Variants in PPP1R12C observed in about 807,000 individuals in gnomAD.
PPP1R12C encodes the protein protein phosphatase 1 regulatory subunit 12C.
PPP1R12C carries 48 observed loss-of-function variants against 95.6 expected under a neutral mutation model. That is an observed-to-expected ratio of 0.50 (90% CI 0.40 to 0.64). The LOEUF (loss-of-function observed/expected upper bound fraction) is 0.64. Among genes scored for constraint, PPP1R12C ranks in the 30% least tolerant of loss-of-function variants. PPP1R12C has a pLI of 0.00. For missense variants in PPP1R12C, 1,057 were observed against 1,083.3 expected (o/e 0.98, Z 0.34); for synonymous variants, 480 against 460.8 (o/e 1.04, Z -0.53).
At position 55,117,343 on chromosome 19, in the gene PPP1R12C, C is replaced by T. The variant is rs2085165999; in HGVS notation, c.201G>A (p.Ala67=). ...GGTCGGCGGCGCGCAGCATCAGACG[C>T]GCCTCGTCCAGGTCGCCGCCCGCAC... is the stretch of plus-strand genomic sequence containing the variant. ...AACAGGDLDE[A]RLMLRAADPG... is the part of the protein sequence containing the mutation. The change falls in exon 1 of 22, where the codon GCG becomes GCA. Residue 67 remains alanine, a synonymous_variant. Coordinates refer to ENST00000263433, the MANE Select transcript of PPP1R12C (RefSeq NM_017607.4). 1.7e-6 allele frequency: 2 copies of T among 1,154,088 alleles called. No homozygotes were observed. The highest frequency in any genetic ancestry group is 2.1e-6 in the Non-Finnish European group (2 of 939,196). The allele number at this position is 1,154,088 out of a possible 1,614,324, so 71.5% of individuals were successfully genotyped here. A position where few individuals can be genotyped will look rare whatever the true frequency, so the allele number is the denominator to read the frequency against.
intron 1 of PPP1R12C, chr19:55,113,009 C>T (rs1489293040): frequency 6.5e-6 from 4 of 617,692 alleles, no homozygotes; most frequent in East Asian, 5.6e-5. Context: ...GTGGAAACCA[C>T]GAAAGGACTC....
In PPP1R12C at chr19:55,112,474, G is replaced by A. The variant is rs1351424998; in HGVS notation, c.564C>T (p.Ala188=). The change falls in exon 3 of 22, where the codon GCC becomes GCT. Residue 188 remains alanine (A), a synonymous_variant. Transcript: ENST00000263433. The part of the protein sequence containing the change: ...AMEGLLKAEI[A]RRGVDVEAAK... ...CAGCACACCAGAGCCCACCTCGGCG[G>A]GCGATCTCCGCCTTCAGCAGCCCCT... The A allele has an allele frequency of 3.5e-5, 56 of 1,610,874 alleles. No homozygotes were observed. Among genetic ancestry groups the A allele is most frequent in the Non-Finnish European group, 4.7e-5 (56 of 1,179,492 alleles).
At position 55,117,485 on chromosome 19, in the gene PPP1R12C, TCCCGGGCAGCCGCCGCCGCCGCC is replaced by T; in HGVS notation, c.36_58del (p.Ala15ThrfsTer89). 3 of 1,020,208 alleles carry T rather than the reference TCCCGGGCAGCCGCCGCCGCCGCC, an allele frequency of 2.9e-6. No homozygotes were observed. The highest frequency in any genetic ancestry group is 5.3e-5 in the Admixed American group (1 of 18,898). The allele number at this position is 1,020,208 out of a possible 1,614,324, so 63.2% of individuals were successfully genotyped here. ...CTGCCGCAGCTGCTCCCGTCGCCGCTCCCGGGCAGCCGCCGCCGCCGCCCCCGGGCCAGCCGCCGGGCCATCCT... is the reference window on the plus strand; with the variant it reads ...CTGCCGCAGCTGCTCCCGTCGCCGCTCCCGGGCCAGCCGCCGGGCCATCCT... On this transcript the variant is annotated frameshift_variant, in exon 1 of 22. Coordinates refer to ENST00000263433, the MANE Select transcript of PPP1R12C (RefSeq NM_017607.4). LOFTEE classifies it high-confidence loss of function.
intron 6 of PPP1R12C, among the ~76,000 whole-genome samples, chr19:55,096,562 C>T (rs191337120): frequency 6.6e-6 from 1 of 152,162 alleles, no homozygotes; most frequent in East Asian, 1.9e-4. Context: ...GTCCTCACGG[C>T]CCCCACCCAT....
intron 1 of PPP1R12C, chr19:55,113,569 T>G: frequency 1.5e-6 from 2 of 1,313,892 alleles, no homozygotes; most frequent in Non-Finnish European, 1.9e-6. Flanking sequence ...CCCCAGGCCT[T>G]GTGGACACTG....
At position 55,092,305 on chromosome 19, in the gene PPP1R12C, C is replaced by T; in HGVS notation, c.2077G>A (p.Glu693Lys). Residue 693 changes from glutamate to lysine, a missense_variant, in exon 19 of 22, where the codon GAG (glutamate) becomes AAG (lysine). Physicochemically the swap from Glu to Lys is moderately conservative, Grantham distance 56. Coordinates refer to ENST00000263433, the MANE Select transcript of PPP1R12C (RefSeq NM_017607.4). ...AGGGCCTCGCGAAGCCGCTCGTTCTCCCTGCGCAGCTCTGCATACAGCTGG... is the reference window on the plus strand; with the variant it reads ...AGGGCCTCGCGAAGCCGCTCGTTCTTCCTGCGCAGCTCTGCATACAGCTGG... ...FRTLYAELRRENERLREALTE... is the reference protein window; with the variant it reads ...FRTLYAELRRKNERLREALTE... The T allele has an allele frequency of 6.2e-7, 1 of 1,600,058 alleles. No homozygotes were observed. Among genetic ancestry groups the T allele is most frequent in the East Asian group, 2.3e-5 (1 of 44,338 alleles).
At chr19:55,116,008 G>C (rs773584199) in intron 1 of PPP1R12C, among the ~76,000 whole-genome samples, 5 of 152,148 alleles carry the variant, frequency 3.3e-5, no homozygotes, top group African/African-American at 4.8e-5. Flanking sequence ...AGAGGTAAGG[G>C]GGGTAGGGGA....
chr19:55,095,714 C>A, intron 9 of PPP1R12C, 111 bp from the exon 10 acceptor site: 2 of 1,509,034 alleles, frequency 1.3e-6, no homozygotes, highest in East Asian at 2.3e-5. Context: ...GCCCCCGGGG[C>A]AGGCACAGCC....
intron 4 of PPP1R12C, among the ~76,000 whole-genome samples, chr19:55,102,617 A>G (rs2084991058): frequency 6.6e-6 from 1 of 152,236 alleles, no homozygotes; most frequent in Non-Finnish European, 1.5e-5. Flanking sequence ...CCATAATCAC[A>G]GCAAGAATTT....
Position 55,092,226 on chromosome 19 carries a change from G to C in PPP1R12C, c.2156C>G (p.Thr719Arg), listed in dbSNP as rs778066902. The change falls in exon 19 of 22, where the codon ACG becomes AGG. Residue 719 changes from threonine to arginine, a missense_variant. By Grantham distance (71) the Thr-to-Arg change is moderately conservative. Transcript: ENST00000263433. Reference sequence around the variant, plus strand: ...CCCTGGCCTCGGCGCCCTTACCTGCGTGGCCCGCTCCAGCTCCACCTTGAG... The same window carrying C: ...CCCTGGCCTCGGCGCCCTTACCTGCCTGGCCCGCTCCAGCTCCACCTTGAG... ...AQLKVELERA[T>R]QRQERFAERP... 2 of 1,573,756 alleles carry C rather than the reference G, an allele frequency of 1.3e-6. No homozygotes were observed. The highest frequency in any genetic ancestry group is 2.7e-5 in the African/African-American group (2 of 74,018).
At chr19:55,113,473 C>T (rs780953000) in intron 1 of PPP1R12C, 48 of 1,474,994 alleles carry the variant, frequency 3.3e-5, no homozygotes, top group African/African-American at 7.2e-5. Context: ...GGGGCTGACA[C>T]GGGCCACCGT....
intron 4 of PPP1R12C, among the ~76,000 whole-genome samples, chr19:55,099,647 G>A (rs1341182082): frequency 6.6e-6 from 1 of 152,236 alleles, no homozygotes; most frequent in East Asian, 1.9e-4. Flanking sequence ...GGCCAGGGAG[G>A]CTGCTCCACA....
In PPP1R12C at chr19:55,095,892, G is replaced by T; in HGVS notation, c.1202C>A (p.Pro401Gln). The change falls in exon 9 of 22, where the codon CCG (proline) becomes CAG (glutamine). Residue 401 changes from proline (P) to glutamine (Q), a missense_variant. By Grantham distance (76) the Pro-to-Gln change is moderately conservative (BLOSUM62 -1). This residue lies in a region of PPP1R12C where 356 missense variants were observed against 330.5 expected (regional missense o/e 1.08). Transcript: ENST00000263433. ...CACGGGACTCTTAGGGCTGGGGTGC[G>T]GCGGGGAGGAGACGCCATTGAGGGT... ...PRTLNGVSSP[P>Q]HPSPKSPVQL... 6.2e-7 allele frequency: 1 copy of T among 1,613,596 alleles called. No individual in the cohort carries two copies.
intron 3 of PPP1R12C, among the ~76,000 whole-genome samples, chr19:55,110,026 G>A (rs893377455): frequency 6.6e-6 from 1 of 152,184 alleles, no homozygotes; most frequent in Non-Finnish European, 1.5e-5. Context: ...CACCCCACGG[G>A]AGGGAAGAAG....
At chr19:55,097,793 GCTCCCAGGCTGGT>G (rs2084938917) in intron 6 of PPP1R12C, among the ~76,000 whole-genome samples, 1 of 152,118 alleles carries the variant, frequency 6.6e-6, no homozygotes, top group Non-Finnish European at 1.5e-5. Context: ...GTCCCCAGAT[GCTCCCAGGCTGGT>G]CTCCCCCCAT....
At chr19:55,104,322 A>T (rs1165890637) in intron 3 of PPP1R12C, among the ~76,000 whole-genome samples, 1 of 149,672 alleles carries the variant, frequency 6.7e-6, no homozygotes, top group Non-Finnish European at 1.5e-5. Context: ...CTATATATAT[A>T]AAACCTATAT....
intron 6 of PPP1R12C, among the ~76,000 whole-genome samples, chr19:55,098,294 G>T (rs1353399266): frequency 6.6e-6 from 1 of 152,232 alleles, no homozygotes; most frequent in Non-Finnish European, 1.5e-5. Flanking sequence ...AAAGTGGCTG[G>T]CTGAGACTCA....
intron 3 of PPP1R12C, among the ~76,000 whole-genome samples, chr19:55,107,289 T>C (rs1443799949): frequency 1.3e-5 from 2 of 151,998 alleles, no homozygotes; most frequent in African/African-American, 4.8e-5. Flanking sequence ...TGGCGGGTGC[T>C]TGTAATCCCA....
Position 55,094,340 on chromosome 19 carries a change from C to A in PPP1R12C, c.1683+5G>T. On this transcript the variant is annotated splice_donor_5th_base_variant and intron_variant, in intron 13 of 21. Transcript: ENST00000263433. The stretch of plus-strand genomic sequence containing the variant: ...CAGGAGTCCAGACCCCAGCCCACCC[C>A]ACACCTGTGTGGACCTCCGAGACTG... 1 of 1,612,722 alleles carries A rather than the reference C, an allele frequency of 6.2e-7. No individual in the cohort carries two copies. The highest frequency in any genetic ancestry group is 8.5e-7 in the Non-Finnish European group (1 of 1,179,826).
Sources: gnomAD v4.1 joint callset for allele counts (sites outside exome capture counted in the v4.1 genomes callset) on GRCh38, gnomAD v4.1.1 for gene constraint, gnomAD v4.1.1 regional missense constraint, MANE v1.5 for transcripts, NCBI Gene and HGNC (gene_info 2026-07-23, HGNC 2026-07-21) for gene names.